HDAC9: variants seen among roughly 807,000 people sequenced by gnomAD.
HDAC9 encodes the protein MEF-2 interacting transcription repressor (MITR) protein.
In HDAC9, 41 loss-of-function variants were observed where a neutral mutation model predicts 139.4. The ratio of observed to expected loss-of-function variants is 0.29; its 90% CI spans 0.23 to 0.38. HDAC9 has a LOEUF of 0.38. Among genes scored for constraint, HDAC9 ranks in the 10% least tolerant of loss-of-function variants. The pLI, the probability that HDAC9 is intolerant of heterozygous loss-of-function variation, is 1.00. For synonymous variants in HDAC9, 517 were observed against 476.2 expected (o/e 1.09, Z -1.12); for missense variants, 1,147 against 1,297.0 (o/e 0.88, Z 1.78).
chr7:18,818,213 C>A (rs1239953885), intron 17 of HDAC9, among the ~76,000 whole-genome samples: 4 of 152,082 alleles, frequency 2.6e-5, no homozygotes, highest in Non-Finnish European at 5.9e-5. Flanking sequence ...TTTAGAAGTA[C>A]CTTAGTGCTG....
chr7:18,345,982 G>A (rs1296194610), intron 1 of HDAC9, among the ~76,000 whole-genome samples: 1 of 151,908 alleles, frequency 6.6e-6, no homozygotes, highest in Non-Finnish European at 1.5e-5. Flanking sequence ...TTTAAAGGTA[G>A]GTATTTTAAG....
At chr7:18,405,096 G>A (rs1177620022) in intron 1 of HDAC9, among the ~76,000 whole-genome samples, 1 of 152,208 alleles carries the variant, frequency 6.6e-6, no homozygotes, top group Non-Finnish European at 1.5e-5. Context: ...CAGATAAAGG[G>A]AGCATGCGCA....
chr7:18,763,400 G>C (rs1297790280), intron 15 of HDAC9, among the ~76,000 whole-genome samples: 1 of 152,166 alleles, frequency 6.6e-6, no homozygotes. Context: ...GTAGCTTGGG[G>C]AGAAGTAAGA....
chr7:18,680,396 T>C (rs1781812184), intron 12 of HDAC9, among the ~76,000 whole-genome samples: 1 of 152,014 alleles, frequency 6.6e-6, no homozygotes, highest in African/African-American at 2.4e-5. Context: ...TGATTTTAGT[T>C]GGTATAGAAA....
intron 17 of HDAC9, among the ~76,000 whole-genome samples, chr7:18,820,376 G>A (rs1037060767): frequency 8.5e-5 from 13 of 152,106 alleles, no homozygotes; most frequent in South Asian, 2.1e-4. Flanking sequence ...TTCCCTGTTA[G>A]GAGACTCAGA....
chr7:18,570,263 A>G (rs947065669), intron 2 of HDAC9, among the ~76,000 whole-genome samples: 4 of 152,190 alleles, frequency 2.6e-5, no homozygotes, highest in African/African-American at 9.7e-5. Flanking sequence ...GAAATATTAA[A>G]TTTGGAATTC....
chr7:18,590,299 G>T (rs1389454050), intron 3 of HDAC9, 37 bp from the exon 4 acceptor site: 3 of 1,607,196 alleles, frequency 1.9e-6, no homozygotes, highest in Non-Finnish European at 2.5e-6. Context: ...GAAGCCTAAA[G>T]AAATTGCACA....
At chr7:18,962,503 T>C (rs1449021916) in intron 24 of HDAC9, among the ~76,000 whole-genome samples, 1 of 152,042 alleles carries the variant, frequency 6.6e-6, no homozygotes, top group Non-Finnish European at 1.5e-5. Context: ...TGAGACACAG[T>C]TTTGGGGGGT....
intron 8 of HDAC9, among the ~76,000 whole-genome samples, chr7:18,639,524 T>C (rs565664491): frequency 2.0e-5 from 3 of 152,228 alleles, no homozygotes; most frequent in South Asian, 2.1e-4. Flanking sequence ...AACACCTTCT[T>C]TGGTGTCCAG....
At chr7:18,198,781 T>G (rs978220823) in intron 2 of HDAC9, among the ~76,000 whole-genome samples, 2 of 152,220 alleles carry the variant, frequency 1.3e-5, no homozygotes, top group Non-Finnish European at 2.9e-5. Context: ...GTTGATATCA[T>G]GTATTTGACA....
At chr7:18,909,859 G>C (rs773902824) in intron 22 of HDAC9, among the ~76,000 whole-genome samples, 1 of 151,876 alleles carries the variant, frequency 6.6e-6, no homozygotes, top group Non-Finnish European at 1.5e-5. Context: ...GTTATTATAG[G>C]CTTGTAGTAT....
chr7:18,609,174 T>C (rs1037738354), intron 6 of HDAC9, among the ~76,000 whole-genome samples: 37 of 152,294 alleles, frequency 2.4e-4, no homozygotes, highest in African/African-American at 8.9e-4. Context: ...TTGAAAATAG[T>C]ATGGACCAGC....
intron 1 of HDAC9, among the ~76,000 whole-genome samples, chr7:18,399,429 G>C (rs1787338929): frequency 6.6e-6 from 1 of 152,114 alleles, no homozygotes; most frequent in South Asian, 2.1e-4. Flanking sequence ...GAACTAAATT[G>C]TATGGAGGTG....
intron 22 of HDAC9, among the ~76,000 whole-genome samples, chr7:18,913,271 C>T (rs1469969515): frequency 6.6e-6 from 1 of 152,078 alleles, no homozygotes; most frequent in Non-Finnish European, 1.5e-5. Flanking sequence ...GTATTCAAGA[C>T]AGTCACTCAA....
At chr7:18,474,964 A>G (rs975800042) in intron 1 of HDAC9, among the ~76,000 whole-genome samples, 4 of 152,210 alleles carry the variant, frequency 2.6e-5, no homozygotes, top group African/African-American at 7.2e-5. Flanking sequence ...CTTATTGGGA[A>G]GCATAAAATG....
At chr7:18,439,951 C>T (rs757558683) in intron 1 of HDAC9, among the ~76,000 whole-genome samples, 2 of 152,134 alleles carry the variant, frequency 1.3e-5, no homozygotes, top group African/African-American at 2.4e-5. Flanking sequence ...TATTACTTCA[C>T]TTAATGATAG....
At chr7:18,292,215 CTTAATA>C (rs1222006917) in intron 1 of HDAC9, among the ~76,000 whole-genome samples, 2 of 151,990 alleles carry the variant, frequency 1.3e-5, no homozygotes, top group East Asian at 1.9e-4. Context: ...CTATATAATA[CTTAATA>C]TTAATATCTT....
At chr7:18,893,702 C>G (rs1052988136) in intron 22 of HDAC9, among the ~76,000 whole-genome samples, 1 of 152,074 alleles carries the variant, frequency 6.6e-6, no homozygotes, top group Non-Finnish European at 1.5e-5. Flanking sequence ...AATAAGTAAG[C>G]AAACATAGAG....
chr7:18,993,367 A>G (rs1423574119), intron 25 of HDAC9, among the ~76,000 whole-genome samples: 1 of 152,214 alleles, frequency 6.6e-6, no homozygotes, highest in African/African-American at 2.4e-5. Context: ...AAAATTGACA[A>G]TCTAGAGACA....
Sources: gnomAD v4.1 joint callset for allele counts (sites outside exome capture counted in the v4.1 genomes callset) on GRCh38, gnomAD v4.1.1 for gene constraint, MANE v1.5 for transcripts, NCBI Gene and HGNC (gene_info 2026-07-23, HGNC 2026-07-21) for gene names.